ARHGAP24: variants seen among roughly 807,000 people sequenced by gnomAD.
The protein encoded by ARHGAP24 is rho GTPase-activating protein 24.
In ARHGAP24, 50 loss-of-function variants were observed where a neutral mutation model predicts 76.4. The observed-to-expected ratio is 0.65, with a 90% CI of 0.52 to 0.83. The LOEUF (loss-of-function observed/expected upper bound fraction) is 0.83. Ranked by LOEUF, ARHGAP24 falls within the 40% of genes least tolerant of loss-of-function variation. The pLI is 0.00. For missense variants in ARHGAP24, 930 were observed against 914.2 expected (o/e 1.02, Z -0.22); for synonymous variants, 345 against 323.3 (o/e 1.07, Z -0.72).
intron 3 of ARHGAP24, among the ~76,000 whole-genome samples, chr4:85,851,612 C>G (rs1189732090): frequency 1.3e-5 from 2 of 152,176 alleles, no homozygotes; most frequent in Admixed American, 6.5e-5. Flanking sequence ...ATGTTTAATG[C>G]TTCCTTCAGG....
intron 1 of ARHGAP24, among the ~76,000 whole-genome samples, chr4:85,548,224 T>C (rs1725993893): frequency 6.6e-6 from 1 of 152,042 alleles, no homozygotes; most frequent in Admixed American, 6.5e-5. Context: ...GTATTTTCCT[T>C]GTCCACACCC....
At chr4:85,876,944 A>G (rs565797358) in intron 3 of ARHGAP24, among the ~76,000 whole-genome samples, 1 of 1,484 alleles carries the variant, frequency 6.7e-4, no homozygotes, top group African/African-American at 1.2e-3. Flanking sequence ...CATTTTATTT[A>G]TAAAAAAAAC....
Position 85,897,925 on chromosome 4 carries a change from G to A in ARHGAP24, c.269-25723G>A, listed in dbSNP as rs576000096. ...TGGCTGCGTCCATTGTGAGTTGAGT[G>A]GGAGGTAAGGATGGAGCTGGGATAC... On this transcript the variant is annotated intron_variant, in intron 3 of 9. Transcript: ENST00000395184. 2.0e-5 allele frequency among the ~76,000 whole-genome samples: 3 copies of A among 151,664 alleles called. No individual in the cohort carries two copies. In the South Asian group the frequency reaches 6.2e-4, roughly 32 times the overall value.
chr4:85,864,347 T>G (rs891908856), intron 3 of ARHGAP24, among the ~76,000 whole-genome samples: 6 of 152,120 alleles, frequency 3.9e-5, no homozygotes, highest in African/African-American at 1.4e-4. Flanking sequence ...AGGAAATGGC[T>G]TATGATTTTT....
At chr4:85,824,565 T>G (rs902286166) in intron 3 of ARHGAP24, among the ~76,000 whole-genome samples, 20 of 152,152 alleles carry the variant, frequency 1.3e-4, no homozygotes, top group Non-Finnish European at 4.4e-5. Context: ...ACATCTTATT[T>G]ATTCTCCTCA....
At chr4:85,699,577 G>A (rs1241535644) in intron 2 of ARHGAP24, among the ~76,000 whole-genome samples, 1 of 151,994 alleles carries the variant, frequency 6.6e-6, no homozygotes, top group Non-Finnish European at 1.5e-5. Flanking sequence ...ACTCCAGCCT[G>A]GGCAACAGAG....
At chr4:85,552,230 C>G (rs574610274) in intron 1 of ARHGAP24, among the ~76,000 whole-genome samples, 70 of 152,238 alleles carry the variant, frequency 4.6e-4, no homozygotes, top group African/African-American at 1.6e-3. Flanking sequence ...TATCTTTGTT[C>G]TCATTACAGT....
chr4:85,931,326 G>A (rs571209504), intron 4 of ARHGAP24, among the ~76,000 whole-genome samples: 8 of 152,172 alleles, frequency 5.3e-5, no homozygotes, highest in African/African-American at 1.4e-4. Flanking sequence ...TGGGCTGACC[G>A]TCCTCAGAGG....
chr4:85,848,402 C>G (rs1410860625), intron 3 of ARHGAP24, among the ~76,000 whole-genome samples: 2 of 152,150 alleles, frequency 1.3e-5, no homozygotes, highest in Non-Finnish European at 2.9e-5. Flanking sequence ...TCTCATTGTT[C>G]AATTCCCACC....
chr4:85,560,775 C>A (rs955273662), intron 1 of ARHGAP24, among the ~76,000 whole-genome samples: 2 of 152,184 alleles, frequency 1.3e-5, no homozygotes, highest in African/African-American at 4.8e-5. Flanking sequence ...AAATGGCAAT[C>A]CACTTGGTTC....
chr4:85,540,424 T>C (rs1299383131), intron 1 of ARHGAP24, among the ~76,000 whole-genome samples: 3 of 152,192 alleles, frequency 2.0e-5, no homozygotes, highest in Non-Finnish European at 4.4e-5. Context: ...GTCAGCAAGA[T>C]AGATGAATAC....
chr4:85,513,271 G>A (rs570581766), intron 1 of ARHGAP24, among the ~76,000 whole-genome samples: 1 of 152,330 alleles, frequency 6.6e-6, no homozygotes, highest in African/African-American at 2.4e-5. Context: ...GACACCTGGG[G>A]TGGGGAAGAA....
At chr4:85,925,895 C>T (rs1735996809) in intron 4 of ARHGAP24, among the ~76,000 whole-genome samples, 1 of 152,102 alleles carries the variant, frequency 6.6e-6, no homozygotes, top group Non-Finnish European at 1.5e-5. Context: ...TCTCTAAAGA[C>T]ACTCTTCTCC....
chr4:85,721,803 C>T, intron 2 of ARHGAP24, 82 bp from the exon 3 acceptor site: 4 of 1,222,994 alleles, frequency 3.3e-6, no homozygotes, highest in Non-Finnish European at 4.8e-6. Context: ...ATAGCTACAC[C>T]TTGGATATTC....
chr4:85,610,449 T>TAAA (rs1720341905), intron 2 of ARHGAP24, among the ~76,000 whole-genome samples: 1 of 33,074 alleles, frequency 3.0e-5, no homozygotes, highest in Non-Finnish European at 4.8e-5. Context: ...AGACTCCATC[T>TAAA]ACAAAAAAAA....
chr4:85,643,169 C>A (rs1560566180), intron 2 of ARHGAP24, among the ~76,000 whole-genome samples: 1 of 151,484 alleles, frequency 6.6e-6, no homozygotes, highest in Non-Finnish European at 1.5e-5. Flanking sequence ...AAACTGGACT[C>A]TCCTCCATCT....
At chr4:85,560,655 T>C (rs1489891353) in intron 1 of ARHGAP24, among the ~76,000 whole-genome samples, 5 of 152,220 alleles carry the variant, frequency 3.3e-5, no homozygotes, top group East Asian at 1.9e-4. Flanking sequence ...TTCGTGGCTG[T>C]TGTGCTTCAT....
chr4:85,990,931 A>T (rs1441096478), intron 8 of ARHGAP24: 2 of 152,050 alleles, frequency 1.3e-5, no homozygotes, highest in Admixed American at 6.6e-5. Context: ...GATAAGTTGG[A>T]CTTTGTCAAA....
At chr4:85,790,225 T>C (rs1475284890) in intron 3 of ARHGAP24, among the ~76,000 whole-genome samples, 1 of 152,154 alleles carries the variant, frequency 6.6e-6, no homozygotes, top group African/African-American at 2.4e-5. Context: ...AAGTTGACAA[T>C]TTACTAGCTG....
Sources: allele counts gnomAD v4.1 joint callset (sites outside exome capture counted in the v4.1 genomes callset), GRCh38; gene constraint gnomAD v4.1.1; transcripts MANE v1.5; gene names NCBI Gene and HGNC (gene_info 2026-07-23, HGNC 2026-07-21).